Variants in INO80 observed in about 807,000 individuals in gnomAD.
INO80 encodes the protein INO80 complex ATPase subunit.
A neutral mutation model predicts 203.4 loss-of-function variants in INO80; 20 were observed. That is an observed-to-expected ratio of 0.10 (90% CI 0.07 to 0.14). The LOEUF (loss-of-function observed/expected upper bound fraction) is 0.14, where lower values mean the gene tolerates loss of function less well. INO80 is among the 10% of genes least tolerant of loss of function. The pLI is 1.00. For synonymous variants in INO80, 726 were observed against 685.2 expected (o/e 1.06, Z -0.93); for missense variants, 1,419 against 1,914.4 (o/e 0.74, Z 4.83).
At chr15:41,083,619 T>TGG (rs2045517698) in intron 7 of INO80, among the ~76,000 whole-genome samples, 1 of 143,040 alleles carries the variant, frequency 7.0e-6, no homozygotes, top group Non-Finnish European at 1.5e-5. Context: ...GAGGCAGAAG[T>TGG]GGGAGAATCG....
At chr15:41,075,507 T>C (rs1174383598) in intron 9 of INO80, among the ~76,000 whole-genome samples, 2 of 152,042 alleles carry the variant, frequency 1.3e-5, no homozygotes, top group Middle Eastern at 3.4e-3. Flanking sequence ...CAGGCTGGAG[T>C]GCAGTGGCGT....
chr15:41,046,094 A>G (rs2044754112), intron 23 of INO80, among the ~76,000 whole-genome samples: 1 of 150,966 alleles, frequency 6.6e-6, no homozygotes. Context: ...GAAACAAGTA[A>G]ACAAGACTTA....
chr15:40,983,289 C>T, intron 34 of INO80: 1 of 556,254 alleles, frequency 1.8e-6, no homozygotes, highest in South Asian at 2.2e-5. Flanking sequence ...CCTAACTCCT[C>T]AAGCTGCTTT....
chr15:41,100,358 GC>G (rs1312949704), intron 1 of INO80, among the ~76,000 whole-genome samples: 1 of 152,196 alleles, frequency 6.6e-6, no homozygotes, highest in African/African-American at 2.4e-5. Flanking sequence ...ACAGGTGTGA[GC>G]CACTGTGCCC....
intron 28 of INO80, among the ~76,000 whole-genome samples, chr15:41,001,900 G>T (rs1463167803): frequency 6.6e-6 from 1 of 152,188 alleles, no homozygotes; most frequent in African/African-American, 2.4e-5. Flanking sequence ...TATTTGGGAA[G>T]GAGTGCTTGT....
intron 1 of INO80, among the ~76,000 whole-genome samples, chr15:41,111,829 G>C (rs559559074): frequency 7.4e-4 from 113 of 151,730 alleles, no homozygotes; most frequent in African/African-American, 2.7e-3. Context: ...GTTTTTGCGG[G>C]GAGGAGGAAA....
At chr15:40,985,283 TG>T in intron 32 of INO80, 54 bp downstream of exon 32, 8 of 1,297,260 alleles carry the variant, frequency 6.2e-6, no homozygotes, top group Non-Finnish European at 9.0e-6. Context: ...AAAGCCTTTT[TG>T]GTAAGTACCC....
At chr15:41,027,782 A>T (rs1317185338) in intron 24 of INO80, 46 bp from the exon 25 acceptor site, 6 of 1,471,540 alleles carry the variant, frequency 4.1e-6, no homozygotes. Flanking sequence ...ATTATGTTTA[A>T]TGTAAGCAAA....
At chr15:41,054,098 C>A in intron 18 of INO80, 84 bp from the exon 19 acceptor site, 2 of 1,035,534 alleles carry the variant, frequency 1.9e-6, no homozygotes, top group South Asian at 1.5e-5. Flanking sequence ...CACCTCTCAC[C>A]AAACTCTTCA....
chr15:41,007,765 C>CCAA (rs1555399031), intron 27 of INO80, among the ~76,000 whole-genome samples: 21 of 134,756 alleles, frequency 1.6e-4, no homozygotes, highest in African/African-American at 4.4e-4. Context: ...TAAATAGCTT[C>CCAA]AAAAAAAAAA....
At chr15:41,090,213 G>A (rs1409618251) in intron 5 of INO80, among the ~76,000 whole-genome samples, 1 of 152,206 alleles carries the variant, frequency 6.6e-6, no homozygotes, top group East Asian at 1.9e-4. Flanking sequence ...AGTGAGAGAA[G>A]CTGGACACAG....
intron 1 of INO80, chr15:41,108,989 C>A: frequency 6.2e-6 from 1 of 160,882 alleles, no homozygotes; most frequent in East Asian, 1.8e-4. Flanking sequence ...GAAGACAGGT[C>A]AGGCTGTTGG....
At position 40,979,242 on chromosome 15, in the gene INO80, A is replaced by G. The variant is rs1301664328; in HGVS notation, c.*981T>C. ...ACATCAGGCAGGGACAGGCAGAAAC[A>G]CCTCCCATGCAAACACTGCCCCTCT... On this transcript the variant is annotated 3_prime_UTR_variant, in exon 36 of 36. Transcript: ENST00000648947. 6.6e-6 allele frequency: 1 copy of G among 152,390 alleles called. No individual in the cohort carries two copies. The highest frequency in any genetic ancestry group is 6.6e-5 in the Admixed American group (1 of 15,262). 9.4% of individuals were successfully genotyped at this position (152,390 alleles called of 1,614,324 possible).
chr15:41,098,403 A>G (rs962102521), intron 1 of INO80, among the ~76,000 whole-genome samples: 1 of 152,154 alleles, frequency 6.6e-6, no homozygotes, highest in Non-Finnish European at 1.5e-5. Flanking sequence ...AACTAGGCAC[A>G]GTGGCTCATG....
At chr15:41,086,873 T>C (rs2045572011) in intron 6 of INO80, among the ~76,000 whole-genome samples, 2 of 152,126 alleles carry the variant, frequency 1.3e-5, no homozygotes, top group Non-Finnish European at 2.9e-5. Context: ...GATAACTTAT[T>C]CCAAACACTT....
At chr15:41,081,637 T>C (rs951851858) in intron 7 of INO80, among the ~76,000 whole-genome samples, 2 of 152,156 alleles carry the variant, frequency 1.3e-5, no homozygotes, top group African/African-American at 2.4e-5. Context: ...ACCCAGCTAT[T>C]TGTGTTTTCC....
In INO80 at chr15:41,027,719, G is replaced by A. The variant is rs1286393755; in HGVS notation, c.2925C>T (p.Ser975=). ...CPLLKSLVFS[S]HCKAVSGYSD... is the part of the protein sequence containing the mutation. ...AGTAGCCACTCACTGCTTTACAGTG[G>A]CTGCTGAAAACAAGAGACTGCAAAA... Residue 975 remains serine (S), a synonymous_variant, in exon 25 of 36, where the codon AGC becomes AGT. Coordinates refer to ENST00000648947, the MANE Select transcript of INO80 (RefSeq NM_017553.3). 4.4e-6 allele frequency: 7 copies of A among 1,594,008 alleles called. No individual in the cohort carries two copies. Among genetic ancestry groups the A allele is most frequent in the Non-Finnish European group, 6.0e-6 (7 of 1,168,968 alleles).
At chr15:41,098,498 GATCTC>G (rs2045757985) in intron 1 of INO80, among the ~76,000 whole-genome samples, 1 of 151,846 alleles carries the variant, frequency 6.6e-6, no homozygotes, top group African/African-American at 2.4e-5. Context: ...AACACAGTGA[GATCTC>G]ATCTCTTCAA....
intron 11 of INO80, 62 bp downstream of exon 11, chr15:41,073,366 G>A (rs1165204719): frequency 1.5e-6 from 2 of 1,357,566 alleles, no homozygotes; most frequent in Non-Finnish European, 2.1e-6. Flanking sequence ...GACCACCTAA[G>A]TAAAGGCTTG....
Sources: allele counts gnomAD v4.1 joint callset (sites outside exome capture counted in the v4.1 genomes callset), GRCh38; gene constraint gnomAD v4.1.1; transcripts MANE v1.5; gene names NCBI Gene and HGNC (gene_info 2026-07-23, HGNC 2026-07-21).